Variants in TSNARE1 observed in about 807,000 individuals in gnomAD.
The protein encoded by TSNARE1 is t-SNARE domain containing 1.
Under a neutral mutation model 62.0 loss-of-function variants are expected in TSNARE1, and 49 were observed. The observed-to-expected ratio is 0.79, with a 90% CI of 0.63 to 1.00. The LOEUF (loss-of-function observed/expected upper bound fraction) is 1.00. TSNARE1 is among the 50% of genes least tolerant of loss of function. The pLI is 0.00. For missense variants in TSNARE1, 755 were observed against 700.1 expected, an observed-to-expected ratio of 1.08 and a Z score of -0.88; for synonymous variants, 328 against 294.4, an observed-to-expected ratio of 1.11 and a Z score of -1.17.
chr8:142,283,610 C>T (rs1480392142), intron 11 of TSNARE1, among the ~76,000 whole-genome samples: 10 of 136,274 alleles, frequency 7.3e-5, no homozygotes, highest in African/African-American at 2.4e-4. Context: ...TGTCTGTCAA[C>T]GAGCAGAGGC....
chr8:142,220,041 C>A (rs1046190463), intron 13 of TSNARE1, among the ~76,000 whole-genome samples: 2 of 152,204 alleles, frequency 1.3e-5, no homozygotes, highest in African/African-American at 4.8e-5. Context: ...GTGGGAGCCC[C>A]AGAAAGAAAC....
intron 10 of TSNARE1, among the ~76,000 whole-genome samples, chr8:142,290,374 A>G (rs1408012944): frequency 6.6e-6 from 1 of 152,194 alleles, no homozygotes; most frequent in Non-Finnish European, 1.5e-5. Context: ...TGGTTAAATC[A>G]TGCAATTATT....
At chr8:142,358,704 T>A (rs1475802981) in intron 1 of TSNARE1, among the ~76,000 whole-genome samples, 1 of 150,760 alleles carries the variant, frequency 6.6e-6, no homozygotes, top group Non-Finnish European at 1.5e-5. Context: ...TGGCAGCACA[T>A]GTCTTCTGCC....
intron 12 of TSNARE1, among the ~76,000 whole-genome samples, chr8:142,234,112 C>T (rs1817267278): frequency 6.6e-6 from 1 of 152,230 alleles, no homozygotes; most frequent in African/African-American, 2.4e-5. Flanking sequence ...AAGATGGCTC[C>T]ATGACCCCAA....
At chr8:142,300,928 G>T (rs1390293453) in intron 9 of TSNARE1, among the ~76,000 whole-genome samples, 1 of 152,166 alleles carries the variant, frequency 6.6e-6, no homozygotes, top group Non-Finnish European at 1.5e-5. Context: ...AGGGGCCCGG[G>T]AGCACCCAGC....
chr8:142,315,489 T>A (rs1278537354), intron 7 of TSNARE1, among the ~76,000 whole-genome samples: 1 of 152,210 alleles, frequency 6.6e-6, no homozygotes, highest in East Asian at 1.9e-4. Flanking sequence ...CCCCAGCATC[T>A]CGCCTGTATC....
intron 1 of TSNARE1, among the ~76,000 whole-genome samples, chr8:142,368,164 A>G (rs1010698726): frequency 4.6e-5 from 7 of 152,180 alleles, no homozygotes; most frequent in African/African-American, 1.7e-4. Context: ...CAACGCAGAA[A>G]GACAACAGAC....
At chr8:142,221,377 G>A (rs1279721299) in intron 13 of TSNARE1, among the ~76,000 whole-genome samples, 4 of 152,230 alleles carry the variant, frequency 2.6e-5, no homozygotes, top group African/African-American at 4.8e-5. Context: ...CAAAGGTCCC[G>A]CCACACACTT....
intron 1 of TSNARE1, among the ~76,000 whole-genome samples, chr8:142,358,868 C>A (rs1834942434): frequency 6.6e-6 from 1 of 152,072 alleles, no homozygotes; most frequent in African/African-American, 2.4e-5. Context: ...CTTCCACTTC[C>A]CTCCAGTGTC....
chr8:142,229,346 AGGTGGATAAATG>A, intron 13 of TSNARE1, 115 bp downstream of exon 13: 1 of 748,140 alleles, frequency 1.3e-6, no homozygotes, highest in Non-Finnish European at 2.3e-6. Context: ...GACGGTAGAC[AGGTGGATAAATG>A]GGTGGATGGA....
intron 11 of TSNARE1, chr8:142,278,571 C>A (rs758230808): frequency 1.0e-6 from 1 of 985,268 alleles, no homozygotes; most frequent in East Asian, 1.1e-4. Flanking sequence ...AGAGGAGGTG[C>A]GGTGGGAGGA....
At chr8:142,364,848 GA>G in intron 1 of TSNARE1, among the ~76,000 whole-genome samples, 1 of 152,134 alleles carries the variant, frequency 6.6e-6, no homozygotes, top group African/African-American at 2.4e-5. Flanking sequence ...TGAATAAGTA[GA>G]AAAAAACAAG....
chr8:142,322,874 G>C (rs983453556), intron 6 of TSNARE1, among the ~76,000 whole-genome samples: 2 of 150,220 alleles, frequency 1.3e-5, no homozygotes, highest in Non-Finnish European at 3.0e-5. Context: ...GGCTGATGAC[G>C]ATATTGTTAT....
intron 1 of TSNARE1, among the ~76,000 whole-genome samples, chr8:142,387,259 A>G (rs995570860): frequency 2.0e-5 from 3 of 152,216 alleles, no homozygotes; most frequent in Admixed American, 2.0e-4. Flanking sequence ...CTAAACAGCA[A>G]TGATAAGGAA....
At chr8:142,307,095 C>T (rs760009461) in intron 9 of TSNARE1, among the ~76,000 whole-genome samples, 1 of 152,208 alleles carries the variant, frequency 6.6e-6, no homozygotes, top group Non-Finnish European at 1.5e-5. Context: ...TTGGACTCAG[C>T]GTTATGTCCG....
intron 12 of TSNARE1, among the ~76,000 whole-genome samples, chr8:142,257,575 C>T (rs1818647450): frequency 6.6e-6 from 1 of 152,184 alleles, no homozygotes; most frequent in African/African-American, 2.4e-5. Flanking sequence ...GGCAGCTCCC[C>T]TGCCGCTGCA....
At chr8:142,290,184 G>A (rs941216724) in intron 10 of TSNARE1, among the ~76,000 whole-genome samples, 5 of 152,190 alleles carry the variant, frequency 3.3e-5, no homozygotes, top group African/African-American at 9.6e-5. Context: ...GTCCTGGGGC[G>A]ACAGAGAGGC....
chr8:142,365,094 T>C (rs1481330103), intron 1 of TSNARE1, among the ~76,000 whole-genome samples: 3 of 152,218 alleles, frequency 2.0e-5, no homozygotes, highest in Non-Finnish European at 1.5e-5. Context: ...CTGGTAGGCA[T>C]CATCTTAATC....
At position 142,227,284 on chromosome 8, in the gene TSNARE1, A is replaced by G. The variant is rs569472977; in HGVS notation, c.*11+2189T>C. On this transcript the variant is annotated intron_variant, in intron 13 of 13. Transcript: ENST00000524325. ...CAGCCAGGACCTCCACTGCACCCAC[A>G]CAACAGTGACAGCCAGGACCCCCTT... Among the ~76,000 whole-genome samples, 3 of 150,522 alleles carry G rather than the reference A, an allele frequency of 2.0e-5. No homozygotes were observed. The South Asian group carries it at 6.3e-4, about 32-fold the overall frequency.
Sources: allele counts gnomAD v4.1 joint callset (sites outside exome capture counted in the v4.1 genomes callset), GRCh38; gene constraint gnomAD v4.1.1; transcripts MANE v1.5; gene names NCBI Gene and HGNC (gene_info 2026-07-23, HGNC 2026-07-21).